The following DMD variants were observed in gnomAD, a reference collection of about 807,000 sequenced individuals.
DMD encodes the protein dystrophin, also known as mutant dystrophin.
DMD carries 63 observed loss-of-function variants against 330.1 expected under a neutral mutation model. The observed-to-expected ratio is 0.19, with a 90% CI of 0.16 to 0.24. DMD has a LOEUF of 0.24. Among genes scored for constraint, DMD ranks in the 10% least tolerant of loss-of-function variants. The pLI is 1.00. For missense variants in DMD, 3,344 were observed against 2,684.1 expected (o/e 1.25, Z -5.43); for synonymous variants, 1,223 against 959.8 (o/e 1.27, Z -5.07).
At chrX:32,552,080 A>G (rs753181720) in intron 16 of DMD, among the ~76,000 whole-genome samples, 6 of 112,054 alleles carry the variant, frequency 5.4e-5, no homozygotes, top group Non-Finnish European at 7.5e-5. Flanking sequence ...GCTATTCCCA[A>G]AAAACTACCA....
At chrX:31,485,096 A>C (rs890181016) in intron 57 of DMD, among the ~76,000 whole-genome samples, 1 of 112,953 alleles carries the variant, frequency 8.9e-6, no homozygotes, top group Admixed American at 9.3e-5. Context: ...AAGCCACATA[A>C]GTGGAAAATC....
intron 45 of DMD, among the ~76,000 whole-genome samples, chrX:31,932,915 G>T (rs2094877150): frequency 8.9e-6 from 1 of 111,775 alleles, no homozygotes; most frequent in Admixed American, 9.5e-5. Flanking sequence ...GCTATCCTCT[G>T]CATTGTAGGG....
At chrX:32,802,798 A>G (rs1223233168) in intron 7 of DMD, among the ~76,000 whole-genome samples, 1 of 112,038 alleles carries the variant, frequency 8.9e-6, no homozygotes, top group Non-Finnish European at 1.9e-5. Context: ...ATGTTAAACT[A>G]ATCTTGCATC....
chrX:32,275,510 C>T (rs1462169868), intron 43 of DMD, among the ~76,000 whole-genome samples: 3 of 111,352 alleles, frequency 2.7e-5, no homozygotes, highest in African/African-American at 6.5e-5. Context: ...TGTAGGAGAG[C>T]GTATAGTGCA....
chrX:32,159,507 T>C (rs1376075162), intron 44 of DMD, among the ~76,000 whole-genome samples: 1 of 112,176 alleles, frequency 8.9e-6, no homozygotes, highest in Non-Finnish European at 1.9e-5. Flanking sequence ...GGTGCCATCA[T>C]TGATTGTGAT....
intron 55 of DMD, among the ~76,000 whole-genome samples, chrX:31,544,070 G>T (rs977609766): frequency 4.5e-5 from 5 of 111,229 alleles, no homozygotes; most frequent in Non-Finnish European, 9.4e-5. Flanking sequence ...TGGGTGCGGT[G>T]GCTCAGCACT....
intron 45 of DMD, among the ~76,000 whole-genome samples, chrX:31,959,773 T>G (rs775855156): frequency 0.043 from 2,542 of 59,045 alleles, 33 homozygotes; most frequent in Non-Finnish European, 0.075. Flanking sequence ...ACCGTGGTTT[T>G]TTTTTTTTTT....
chrX:32,466,143 A>G (rs993053667), intron 23 of DMD, among the ~76,000 whole-genome samples: 1 of 111,558 alleles, frequency 9.0e-6, no homozygotes, highest in Non-Finnish European at 1.9e-5. Flanking sequence ...ATTGTAAAAC[A>G]TAGCATCCAA....
rs2053139618 is a variant in DMD, at chrX:33,270,728, CAAATATAAGCA to C, written c.7+68520_7+68530del. 4.5e-5 allele frequency among the ~76,000 whole-genome samples: 5 copies of C among 111,616 alleles called. No homozygotes were observed. In the South Asian group the frequency reaches 1.5e-3, roughly 33 times the overall value. ...ATAATTGGTCTTCAGAAAAAGAGAG[CAAATATAAGCA>C]AAATATAAGGGAATAGTATATAAAC... On this transcript the variant is annotated intron_variant, in intron 1 of 17. Coordinates refer to the DMD transcript ENST00000288447.
At chrX:32,560,364 G>C (rs1055571997) in intron 16 of DMD, among the ~76,000 whole-genome samples, 3 of 110,888 alleles carry the variant, frequency 2.7e-5, no homozygotes, top group Non-Finnish European at 5.7e-5. Flanking sequence ...TGTGATTTCA[G>C]TCAAATGAGG....
chrX:32,078,513 A>G (rs1332447130), intron 44 of DMD, among the ~76,000 whole-genome samples: 1 of 112,348 alleles, frequency 8.9e-6, no homozygotes, highest in East Asian at 2.8e-4. Flanking sequence ...ATAAAAACGA[A>G]CAAGTCTTTA....
intron 1 of DMD, among the ~76,000 whole-genome samples, chrX:33,046,292 A>G (rs1168330461): frequency 3.6e-5 from 4 of 111,745 alleles, no homozygotes; most frequent in Non-Finnish European, 3.8e-5. Flanking sequence ...TAATTTAGCT[A>G]TAGAAAAATT....
chrX:31,494,945 T>C (rs964461423), intron 57 of DMD, among the ~76,000 whole-genome samples: 2 of 111,973 alleles, frequency 1.8e-5, no homozygotes, highest in African/African-American at 6.5e-5. Flanking sequence ...CTATATCGCA[T>C]AATGCATTTT....
chrX:33,216,314 G>A (rs2052052632), upstream of DMD, among the ~76,000 whole-genome samples: 1 of 111,492 alleles, frequency 9.0e-6, no homozygotes, highest in African/African-American at 3.3e-5. Flanking sequence ...TGCAGCTGGA[G>A]GCCATTATCC....
At chrX:32,073,346 C>T (rs750162486) in intron 44 of DMD, among the ~76,000 whole-genome samples, 59 of 111,436 alleles carry the variant, frequency 5.3e-4, no homozygotes, top group Non-Finnish European at 8.9e-4. Flanking sequence ...TCAAAGAGTT[C>T]GAAGATGCCT....
At chrX:31,638,705 A>G (rs66946306) in intron 54 of DMD, among the ~76,000 whole-genome samples, 2 of 112,375 alleles carry the variant, frequency 1.8e-5, no homozygotes, top group East Asian at 5.5e-4. Context: ...CCCTGTATGC[A>G]GGTATATCTG....
At chrX:33,192,236 C>A (rs1394089810) in intron 1 of DMD, among the ~76,000 whole-genome samples, 1 of 111,866 alleles carries the variant, frequency 8.9e-6, no homozygotes, top group Non-Finnish European at 1.9e-5. Flanking sequence ...CAAAGCATAA[C>A]AGTCATGTTT....
chrX:31,471,289 G>A (rs1032705655), intron 59 of DMD, among the ~76,000 whole-genome samples: 5 of 112,243 alleles, frequency 4.5e-5, no homozygotes, highest in African/African-American at 1.3e-4. Context: ...GTAGGCACCC[G>A]AGGGAATCTC....
At position 31,626,385 on chromosome X, in the gene DMD, T is replaced by C. The variant is rs776494735; in HGVS notation, c.8217+1288A>G. Among the ~76,000 whole-genome samples the C allele has an allele frequency of 2.7e-5, 3 of 112,050 alleles. No homozygotes were observed. The East Asian group carries it at 8.3e-4, about 31-fold the overall frequency. On this transcript the variant is annotated intron_variant, in intron 55 of 78. Coordinates refer to ENST00000357033, the MANE Select transcript of DMD (RefSeq NM_004006.3). ...TATGAAATAGCCTAAGCCAAATATA[T>C]TACAGTGGTACATTGTCTAACCATA...
Sources: gnomAD v4.1 joint callset for allele counts (sites outside exome capture counted in the v4.1 genomes callset) on GRCh38, gnomAD v4.1.1 for gene constraint, MANE v1.5 for transcripts, NCBI Gene and HGNC (gene_info 2026-07-23, HGNC 2026-07-21) for gene names.